Variants in CPNE8 observed in about 807,000 individuals in gnomAD.
CPNE8 encodes the protein copine 8, also known as copine-8.
Under a neutral mutation model 81.5 loss-of-function variants are expected in CPNE8, and 45 were observed. The ratio of observed to expected loss-of-function variants is 0.55; its 90% CI spans 0.44 to 0.71. CPNE8 has a LOEUF of 0.71. Among genes scored for constraint, CPNE8 ranks in the 30% least tolerant of loss-of-function variants. The pLI is 0.00. For missense variants in CPNE8, 594 were observed against 672.1 expected, an observed-to-expected ratio of 0.88 and a Z score of 1.28; for synonymous variants, 252 against 226.3, an observed-to-expected ratio of 1.11 and a Z score of -1.02.
chr12:38,903,651 A>C (rs1478679305), intron 1 of CPNE8, among the ~76,000 whole-genome samples: 2 of 152,248 alleles, frequency 1.3e-5, no homozygotes, highest in East Asian at 3.8e-4. Flanking sequence ...CAGACTTTGC[A>C]GACTGTTGAG....
rs148375955 is a variant in CPNE8, at chr12:38,864,097, C to A, written c.186+8907G>T. 7.3e-3 allele frequency among the ~76,000 whole-genome samples: 1,106 copies of A among 151,684 alleles called. 8 individuals are homozygous for A. The highest frequency in any genetic ancestry group is 0.023 in the South Asian group (111 of 4,798). On this transcript the variant is annotated intron_variant, in intron 3 of 19. Transcript: ENST00000331366. The stretch of plus-strand genomic sequence containing the variant: ...AAGAAAAAAGAATGCCTCCTGTCAC[C>A]GCTTTTATTCAACACTATACAGGAG...
intron 18 of CPNE8, among the ~76,000 whole-genome samples, chr12:38,673,846 G>A (rs1209526833): frequency 6.6e-6 from 1 of 152,082 alleles, no homozygotes; most frequent in African/African-American, 2.4e-5. Context: ...CTGAGGATAA[G>A]TATAATTTCT....
intron 6 of CPNE8, among the ~76,000 whole-genome samples, chr12:38,781,043 C>A (rs1363698343): frequency 6.6e-6 from 1 of 151,808 alleles, no homozygotes; most frequent in East Asian, 1.9e-4. Context: ...TAAGTTAAAG[C>A]CTTCTCATGG....
Position 38,679,764 on chromosome 12 carries a change from C to A in CPNE8, c.1272-2210G>T, listed in dbSNP as rs540221154. The A allele has an allele frequency of 9.4e-5, 81 of 859,350 alleles. No homozygotes were observed. The African/African-American group carries it at 1.5e-3, about 16-fold the overall frequency. The allele number at this position is 859,350 out of a possible 1,614,324, so 53.2% of individuals were successfully genotyped here. ...TGTATTACCATTTATTCTACTTAGC[C>A]TTTTATTTTAAAGTATTATCATTTC... is the stretch of plus-strand genomic sequence containing the variant. On this transcript the variant is annotated intron_variant, in intron 16 of 19. Transcript: ENST00000331366.
intron 1 of CPNE8, among the ~76,000 whole-genome samples, chr12:38,895,625 G>A (rs986025893): frequency 1.3e-5 from 2 of 152,080 alleles, no homozygotes; most frequent in African/African-American, 4.8e-5. Flanking sequence ...TCTACTCAAA[G>A]CTCTCACCAG....
chr12:38,877,362 T>C (rs904819541), intron 1 of CPNE8, among the ~76,000 whole-genome samples: 1 of 152,000 alleles, frequency 6.6e-6, no homozygotes, highest in Non-Finnish European at 1.5e-5. Context: ...AAAATAAACA[T>C]ACACACACCC....
intron 10 of CPNE8, among the ~76,000 whole-genome samples, chr12:38,752,904 G>A (rs527618445): frequency 1.2e-4 from 19 of 152,092 alleles, no homozygotes; most frequent in Non-Finnish European, 1.3e-4. Context: ...GAACATTATC[G>A]GTATTTAGAT....
In CPNE8 at chr12:38,902,403, GAA is replaced by G. The variant is rs1212309166; in HGVS notation, c.98+3032_98+3033del. On this transcript the variant is annotated intron_variant, in intron 1 of 19. Transcript: ENST00000331366. ...AAGAAAAGAAAGAAAGAGAAAGAAA[GAA>G]AGAAAGAAAGAAAAAGAAAGAAAGA... Among the ~76,000 whole-genome samples the G allele has an allele frequency of 1.3e-3, 186 of 139,014 alleles. 15 individuals carry two copies. Among genetic ancestry groups the G allele is most frequent in the African/African-American group, 5.2e-3 (168 of 32,250 alleles). The allele number at this position is 139,014 out of a possible 152,430, so 91.2% of individuals were successfully genotyped here.
Position 38,831,847 on chromosome 12 carries a change from C to T in CPNE8, c.331-2392G>A, listed in dbSNP as rs980222994. 6.0e-4 allele frequency among the ~76,000 whole-genome samples: 92 copies of T among 152,176 alleles called. 2 individuals are homozygous for T. Among genetic ancestry groups the T allele is most frequent in the Admixed American group, 5.2e-4 (8 of 15,270 alleles). On this transcript the variant is annotated intron_variant, in intron 5 of 19. Transcript: ENST00000331366. ...AACACACAAGGGCGATTCCAGAATT[C>T]TTTTCTAAGGATAGTTATGCTTATG...
intron 6 of CPNE8, among the ~76,000 whole-genome samples, chr12:38,805,216 G>A (rs1942767003): frequency 3.0e-5 from 1 of 33,826 alleles, no homozygotes; most frequent in Non-Finnish European, 5.5e-5. Context: ...GCACACGTAT[G>A]TTTATTGTGG....
chr12:38,773,000 C>A (rs1315831701), intron 7 of CPNE8, among the ~76,000 whole-genome samples: 5 of 151,862 alleles, frequency 3.3e-5, no homozygotes, highest in African/African-American at 1.2e-4. Context: ...GAACATCCAT[C>A]CATTTGCAAC....
chr12:38,905,986 C>A (rs968352188), upstream of CPNE8: 12 of 985,332 alleles, frequency 1.2e-5, no homozygotes, highest in Non-Finnish European at 1.4e-5. Context: ...CACCCACACT[C>A]GCCTCCTGGG....
At chr12:38,689,693 G>A (rs1454442443) in intron 15 of CPNE8, among the ~76,000 whole-genome samples, 1 of 152,324 alleles carries the variant, frequency 6.6e-6, no homozygotes, top group East Asian at 1.9e-4. Context: ...AAGCATGCAA[G>A]TGCATTTAGG....
chr12:38,800,008 G>C (rs1470651815), intron 6 of CPNE8, among the ~76,000 whole-genome samples: 1 of 141,932 alleles, frequency 7.0e-6, no homozygotes, highest in Non-Finnish European at 1.6e-5. Context: ...AGGGTCCTAC[G>C]CCCACGGAAT....
chr12:38,713,659 G>A lies in CPNE8; in HGVS notation c.914+10113C>T, dbSNP rs113988781. Among the ~76,000 whole-genome samples, 293 of 152,190 alleles carry A rather than the reference G, an allele frequency of 1.9e-3. 1 individual carries two copies. Among genetic ancestry groups the A allele is most frequent in the Middle Eastern group, 0.014 (4 of 294 alleles). On this transcript the variant is annotated intron_variant, in intron 13 of 19. Coordinates refer to ENST00000331366, the MANE Select transcript of CPNE8 (RefSeq NM_153634.3). ...GTAGAAAATCGTGCTCCAAATGGCC[G>A]TCTAATTAGTCTGTATTTATTCAAT... is the stretch of plus-strand genomic sequence containing the variant.
At position 38,799,230 on chromosome 12, in the gene CPNE8, A is replaced by G. The variant is rs567845524; in HGVS notation, c.408-22929T>C. Among the ~76,000 whole-genome samples, 4 of 152,270 alleles carry G rather than the reference A, an allele frequency of 2.6e-5. 1 individual carries two copies. In the South Asian group the frequency reaches 8.3e-4, roughly 32 times the overall value. On this transcript the variant is annotated intron_variant, in intron 6 of 19. Transcript: ENST00000331366. ...GACATCTACAGAACTCTCCACCCTA[A>G]ATCAACAGAATATACATTTTTTTCA...
chr12:38,747,527 T>C (rs1368749361), intron 10 of CPNE8, among the ~76,000 whole-genome samples: 2 of 152,138 alleles, frequency 1.3e-5, no homozygotes, highest in African/African-American at 4.8e-5. Flanking sequence ...GTAAAAAGTG[T>C]ATTACTTTTT....
At chr12:38,685,455 C>T (rs1008805799) in intron 16 of CPNE8, 35 bp downstream of exon 16, 12 of 1,603,220 alleles carry the variant, frequency 7.5e-6, no homozygotes, top group Non-Finnish European at 8.5e-6. Flanking sequence ...TGTTCCAGTA[C>T]ATCAGAATAA....
At chr12:38,827,632 T>C (rs1943219414) in intron 6 of CPNE8, among the ~76,000 whole-genome samples, 1 of 152,214 alleles carries the variant, frequency 6.6e-6, no homozygotes, top group African/African-American at 2.4e-5. Context: ...TGGAATATTA[T>C]ATAGACATAA....
Sources: gnomAD v4.1 joint callset for allele counts (sites outside exome capture counted in the v4.1 genomes callset) on GRCh38, gnomAD v4.1.1 for gene constraint, MANE v1.5 for transcripts, NCBI Gene and HGNC (gene_info 2026-07-23, HGNC 2026-07-21) for gene names.